The following TESMIN variants were observed in gnomAD, a reference collection of about 807,000 sequenced individuals.
TESMIN encodes CXC domain containing 2.
TESMIN carries 34 observed loss-of-function variants against 47.4 expected under a neutral mutation model. The observed-to-expected ratio is 0.72, with a 90% CI of 0.55 to 0.96. The LOEUF is 0.96. TESMIN is among the 40% of genes least tolerant of loss of function. The pLI is 0.00. For missense variants in TESMIN, 610 were observed against 637.2 expected, an observed-to-expected ratio of 0.96 and a Z score of 0.46; for synonymous variants, 278 against 258.9, an observed-to-expected ratio of 1.07 and a Z score of -0.71.
chr11:68,741,967 AT>A (rs1376954106), intron 5 of TESMIN, among the ~76,000 whole-genome samples: 1 of 152,270 alleles, frequency 6.6e-6, no homozygotes, highest in Non-Finnish European at 1.5e-5. Context: ...TTAAAAAAGT[AT>A]TTCCATAACA....
In TESMIN at chr11:68,710,943, C is replaced by G. The variant is rs999029285; in HGVS notation, c.1265G>C (p.Gly422Ala). 2 of 1,613,930 alleles carry G rather than the reference C, an allele frequency of 1.2e-6. No individual in the cohort carries two copies. The highest frequency in any genetic ancestry group is 1.7e-6 in the Non-Finnish European group (2 of 1,180,002). Residue 422 changes from glycine to alanine, a missense_variant, in exon 9 of 10, where the codon GGA becomes GCA. Transcript: ENST00000255087. ...CAGGTAATGGCTGCCTTCCAAACCT[C>G]CAGTCTGCATGTAGTTTGGCATGCT... ...LMSMPNYMQT[G>A]GLEGSHYLPP...
intron 1 of TESMIN, 64 bp from the exon 2 acceptor site, chr11:68,750,763 A>T: frequency 1.8e-5 from 6 of 334,490 alleles, no homozygotes; most frequent in Non-Finnish European, 2.0e-5. Context: ...CGGCCAGGAA[A>T]GGGGACAGCC....
At chr11:68,709,714 C>T (rs1211929583) in intron 9 of TESMIN, among the ~76,000 whole-genome samples, 1 of 152,166 alleles carries the variant, frequency 6.6e-6, no homozygotes, top group East Asian at 1.9e-4. Context: ...GATAGGGCTG[C>T]CCTTGGGAAA....
At chr11:68,736,178 C>T in intron 6 of TESMIN, 1 of 984,960 alleles carries the variant, frequency 1.0e-6, no homozygotes, top group Non-Finnish European at 1.2e-6. Flanking sequence ...TTACTAAAAC[C>T]AGTAGCATCA....
chr11:68,734,797 G>C (rs939203547), intron 6 of TESMIN, among the ~76,000 whole-genome samples: 30 of 152,220 alleles, frequency 2.0e-4, no homozygotes, highest in African/African-American at 7.0e-4. Context: ...ACGCCCTAAA[G>C]AGAGGCAAAG....
Position 68,708,251 on chromosome 11 carries a change from TCTAAA to T in TESMIN, c.*52_*56del. On this transcript the variant is annotated 3_prime_UTR_variant, in exon 10 of 10. Transcript: ENST00000255087. ...GCCTCATGTTCCCCTAAACATCCTT[TCTAAA>T]CTAGAGATTTCTAGACTAAGACAAA... is the stretch of plus-strand genomic sequence containing the variant. 6.7e-7 allele frequency: 1 copy of T among 1,491,694 alleles called. No homozygotes were observed. The highest frequency in any genetic ancestry group is 9.1e-7 in the Non-Finnish European group (1 of 1,104,490). 92.4% of individuals were successfully genotyped at this position (1,491,694 alleles called of 1,614,324 possible). A position where few individuals can be genotyped will look rare whatever the true frequency, so the allele number is the denominator to read the frequency against.
chr11:68,738,818 G>A (rs1946422003), intron 5 of TESMIN, 30 bp from the exon 6 acceptor site: 1 of 1,573,432 alleles, frequency 6.4e-7, no homozygotes, highest in Non-Finnish European at 8.7e-7. Context: ...AGGATATTTT[G>A]AATTAGCAAG....
At chr11:68,710,555 G>C (rs1946051499) in intron 9 of TESMIN, 3 of 289,096 alleles carry the variant, frequency 1.0e-5, no homozygotes, top group Non-Finnish European at 6.4e-6. Context: ...TTAACGCAAA[G>C]GCAGTGTCAG....
chr11:68,750,386 T>TCCCCGCCGTCGCTGTCGCC lies in TESMIN; in HGVS notation c.256_274dup (p.Glu92GlyfsTer74), dbSNP rs1277776326. 6.6e-7 allele frequency: 1 copy of TCCCCGCCGTCGCTGTCGCC among 1,511,402 alleles called. No individual in the cohort carries two copies. Among genetic ancestry groups the TCCCCGCCGTCGCTGTCGCC allele is most frequent in the Admixed American group, 2.1e-5 (1 of 47,250 alleles). 93.6% of individuals were successfully genotyped at this position (1,511,402 alleles called of 1,614,324 possible). A position where few individuals can be genotyped will look rare whatever the true frequency, so the allele number is the denominator to read the frequency against. ...GATCCCGGGGTACTCCCCGAGGAGC[T>TCCCCGCCGTCGCTGTCGCC]CCCCGCCGTCGCTGTCGCCCCCCGC... On this transcript the variant is annotated frameshift_variant, in exon 2 of 10. Transcript: ENST00000255087. LOFTEE classifies it high-confidence loss of function.
intron 2 of TESMIN, among the ~76,000 whole-genome samples, chr11:68,748,914 C>A (rs1450774796): frequency 6.6e-6 from 1 of 152,180 alleles, no homozygotes; most frequent in Non-Finnish European, 1.5e-5. Flanking sequence ...CGGCTCACTG[C>A]AGCCTTCGCC....
chr11:68,744,900 G>T, intron 4 of TESMIN, 91 bp downstream of exon 4: 1 of 1,081,344 alleles, frequency 9.2e-7, no homozygotes, highest in Non-Finnish European at 1.3e-6. Flanking sequence ...TTAATATCCT[G>T]GTTGCCATTT....
intron 6 of TESMIN, among the ~76,000 whole-genome samples, chr11:68,728,717 A>C (rs1252049051): frequency 2.0e-5 from 3 of 152,234 alleles, no homozygotes; most frequent in African/African-American, 7.2e-5. Context: ...GGTGACCTTA[A>C]GTTGAAGCTA....
Position 68,707,693 on chromosome 11 carries a change from G to A in TESMIN, c.*615C>T, listed in dbSNP as rs1425386681. The A allele has an allele frequency of 5.1e-6, 2 of 389,598 alleles. No individual in the cohort carries two copies. Among genetic ancestry groups the A allele is most frequent in the Non-Finnish European group, 5.3e-6 (1 of 187,632 alleles). 24.1% of individuals were successfully genotyped at this position (389,598 alleles called of 1,614,324 possible). ...CTCAAGACATGCTGGTGCAAGCCTG[G>A]CCTGCGAGGCCCCATTGCCTGCGTC... On this transcript the variant is annotated 3_prime_UTR_variant, in exon 10 of 10. Coordinates refer to ENST00000255087, the MANE Select transcript of TESMIN (RefSeq NM_004923.3).
chr11:68,708,012 G>A lies in TESMIN; in HGVS notation c.*296C>T. 1 of 452,488 alleles carries A rather than the reference G, an allele frequency of 2.2e-6. No homozygotes were observed. The highest frequency in any genetic ancestry group is 4.2e-6 in the Non-Finnish European group (1 of 238,618). The allele number at this position is 452,488 out of a possible 1,614,324, so 28.0% of individuals were successfully genotyped here. A position where few individuals can be genotyped will look rare whatever the true frequency, so the allele number is the denominator to read the frequency against. On this transcript the variant is annotated 3_prime_UTR_variant, in exon 10 of 10. Transcript: ENST00000255087. ...CGCTCTGCCCTTCGCAGGGCCTGCT[G>A]TGCCCTCCCCTGCCCTGCTCTGCCC...
chr11:68,713,201 T>C lies in TESMIN; in HGVS notation c.1158+69A>G. 8.9e-6 allele frequency: 13 copies of C among 1,467,334 alleles called. No individual in the cohort carries two copies. In the South Asian group the frequency reaches 1.9e-4, roughly 21 times the overall value. The allele number at this position is 1,467,334 out of a possible 1,614,324, so 90.9% of individuals were successfully genotyped here. ...TTTTTAAATTACAGCAAAGTTTTTT[T>C]AACCACAAAAGTTACTCAACATATT... is the stretch of plus-strand genomic sequence containing the variant. On this transcript the variant is annotated intron_variant, in intron 8 of 9. Coordinates refer to ENST00000255087, the MANE Select transcript of TESMIN (RefSeq NM_004923.3).
chr11:68,706,615 A>G (rs998791566), downstream of TESMIN, among the ~76,000 whole-genome samples: 1 of 152,234 alleles, frequency 6.6e-6, no homozygotes, highest in Admixed American at 6.5e-5. Flanking sequence ...GCTGGTGCCA[A>G]CTGAGACCTG....
chr11:68,731,214 C>T (rs1946322871), intron 6 of TESMIN, among the ~76,000 whole-genome samples: 2 of 152,124 alleles, frequency 1.3e-5, no homozygotes, highest in South Asian at 4.1e-4. Context: ...CTATCACTTT[C>T]CATGGAGCCT....
chr11:68,729,342 G>A (rs1946301149), intron 6 of TESMIN, among the ~76,000 whole-genome samples: 1 of 147,960 alleles, frequency 6.8e-6, no homozygotes, highest in African/African-American at 2.5e-5. Flanking sequence ...TGGCCAACAT[G>A]GTGAAACCCT....
intron 5 of TESMIN, among the ~76,000 whole-genome samples, chr11:68,740,106 G>A (rs1261310990): frequency 6.6e-6 from 1 of 152,080 alleles, no homozygotes; most frequent in African/African-American, 2.4e-5. Context: ...CGGAGGCAGG[G>A]CTTCTCAGAC....
Sources: allele counts gnomAD v4.1 joint callset (sites outside exome capture counted in the v4.1 genomes callset), GRCh38; gene constraint gnomAD v4.1.1; transcripts MANE v1.5; gene names NCBI Gene and HGNC (gene_info 2026-07-23, HGNC 2026-07-21).